HACD2: variants seen among roughly 807,000 people sequenced by gnomAD.
HACD2 encodes the protein very-long-chain (3R)-3-hydroxyacyl-CoA dehydratase 2.
Under a neutral mutation model 31.0 loss-of-function variants are expected in HACD2, and 15 were observed. The ratio of observed to expected loss-of-function variants is 0.48; its 90% CI spans 0.32 to 0.75. The LOEUF is 0.75. Ranked by LOEUF, HACD2 falls within the 30% of genes least tolerant of loss-of-function variation. The probability of loss-of-function intolerance (pLI) is 0.03; values close to 1 mark genes in which losing one functional copy is unlikely to be tolerated. For synonymous variants in HACD2, 115 were observed against 122.2 expected (o/e 0.94, Z 0.39); for missense variants, 283 against 313.0 (o/e 0.90, Z 0.72).
At chr3:123,502,833 G>GC (rs1354918929) in intron 4 of HACD2, 152 bp from the exon 5 acceptor site, 2 of 716,108 alleles carry the variant, frequency 2.8e-6, no homozygotes, top group Admixed American at 5.8e-5. Flanking sequence ...TGCGTGTAGA[G>GC]CTGGGGCCTA....
At chr3:123,581,994 T>C (rs181739831) in intron 2 of HACD2, among the ~76,000 whole-genome samples, 62 of 152,286 alleles carry the variant, frequency 4.1e-4, no homozygotes, top group Admixed American at 2.7e-3. Context: ...CCCAAAAAAG[T>C]CGAATATAAA....
Position 123,492,273 on chromosome 3 carries a change from A to T in HACD2, c.*2615T>A, listed in dbSNP as rs1330709899. The T allele has an allele frequency of 1.3e-5, 2 of 152,212 alleles. No individual in the cohort carries two copies. Among genetic ancestry groups the T allele is most frequent in the African/African-American group, 2.4e-5 (1 of 41,448 alleles). The allele number at this position is 152,212 out of a possible 1,614,324, so 9.4% of individuals were successfully genotyped here. A position where few individuals can be genotyped will look rare whatever the true frequency, so the allele number is the denominator to read the frequency against. On this transcript the variant is annotated 3_prime_UTR_variant, in exon 7 of 7. Transcript: ENST00000383657. ...CCCCACGGAGGGATCTGAAATACAT[A>T]ATCAAGTGGGTAGTTGGGAGGATGA...
intron 3 of HACD2, among the ~76,000 whole-genome samples, chr3:123,567,069 A>G (rs1164047664): frequency 6.6e-6 from 1 of 152,176 alleles, no homozygotes; most frequent in East Asian, 1.9e-4. Context: ...ATCAACTTCA[A>G]ATCCTCCCTT....
rs1017328901 is a variant in HACD2 at position 123,584,988 on chromosome 3, C to G, written c.40G>C (p.Gly14Arg). 6 of 1,524,952 alleles carry G rather than the reference C, an allele frequency of 3.9e-6. No homozygotes were observed. Among genetic ancestry groups the G allele is most frequent in the Non-Finnish European group, 4.4e-6 (5 of 1,137,272 alleles). 94.5% of individuals were successfully genotyped at this position (1,524,952 alleles called of 1,614,324 possible). Residue 14 changes from glycine (G) to arginine (R), a missense_variant, in exon 1 of 7, where the codon GGG (glycine) becomes CGG (arginine). Gly to Arg is a moderately radical substitution (Grantham distance 125). Transcript: ENST00000383657. The part of the protein sequence containing the change: ...VAATAAAKGN[G>R]GGGGRAGAGD... ...GCCCCGGCCCTGCCACCGCCGCCCC[C>G]ATTCCCCTTCGCTGCTGCAGTCGCC...
At chr3:123,515,961 T>G (rs1205766898) in intron 4 of HACD2, among the ~76,000 whole-genome samples, 1 of 152,156 alleles carries the variant, frequency 6.6e-6, no homozygotes, top group Non-Finnish European at 1.5e-5. Flanking sequence ...GGTTTCACCA[T>G]GTTGCCCAGG....
At chr3:123,558,679 C>G (rs182019192) in intron 3 of HACD2, among the ~76,000 whole-genome samples, 1 of 152,176 alleles carries the variant, frequency 6.6e-6, no homozygotes, top group Non-Finnish European at 1.5e-5. Context: ...TGACATATCA[C>G]GGTCATACAA....
intron 4 of HACD2, among the ~76,000 whole-genome samples, chr3:123,506,694 C>T (rs1418123240): frequency 1.3e-5 from 2 of 152,094 alleles, no homozygotes; most frequent in South Asian, 4.2e-4. Flanking sequence ...CTCGGCCTCC[C>T]AAAATGCTGG....
At chr3:123,580,733 C>T (rs13091529) in intron 2 of HACD2, among the ~76,000 whole-genome samples, 37,348 of 149,338 alleles carry the variant, frequency 0.25, 6,258 homozygotes, top group East Asian at 0.59. Flanking sequence ...CAGTGAGCCA[C>T]GGCCATGATG....
chr3:123,584,488 G>T (rs896549475), intron 1 of HACD2: 5 of 180,990 alleles, frequency 2.8e-5, no homozygotes, highest in Admixed American at 2.5e-4. Flanking sequence ...CACTCCCCAT[G>T]CTGGCGCCGT....
intron 3 of HACD2, among the ~76,000 whole-genome samples, chr3:123,565,078 C>T (rs1242848067): frequency 4.6e-5 from 7 of 152,114 alleles, no homozygotes; most frequent in Non-Finnish European, 4.4e-5. Flanking sequence ...GCCCATTCAC[C>T]TCTCTACTCC....
intron 6 of HACD2, chr3:123,499,719 A>G (rs2055879999): frequency 2.2e-6 from 1 of 450,532 alleles, no homozygotes; most frequent in African/African-American, 2.0e-5. Context: ...GAAATAGCAA[A>G]ATGAGAAGAA....
chr3:123,531,112 C>T (rs1381412530), intron 3 of HACD2, among the ~76,000 whole-genome samples: 4 of 149,886 alleles, frequency 2.7e-5, no homozygotes, highest in South Asian at 4.3e-4. Flanking sequence ...GTGATCTGCC[C>T]GCCTCAGCCT....
chr3:123,563,867 CAGTA>C (rs1370908664), intron 3 of HACD2, among the ~76,000 whole-genome samples: 4 of 152,122 alleles, frequency 2.6e-5, no homozygotes, highest in Non-Finnish European at 5.9e-5. Flanking sequence ...CACTGGAATA[CAGTA>C]AGTATTTAAG....
intron 1 of HACD2, 109 bp downstream of exon 1, chr3:123,584,764 G>A (rs2057008864): frequency 2.3e-6 from 2 of 883,276 alleles, no homozygotes; most frequent in South Asian, 2.5e-5. Context: ...CCCCCGCCGG[G>A]AATGCACTGC....
At chr3:123,583,070 A>G (rs1312164934) in intron 1 of HACD2, among the ~76,000 whole-genome samples, 2 of 152,236 alleles carry the variant, frequency 1.3e-5, no homozygotes, top group Non-Finnish European at 2.9e-5. Context: ...AGATAAATGT[A>G]TAGTATCAAC....
chr3:123,582,422 T>G, intron 1 of HACD2, 93 bp from the exon 2 acceptor site: 2 of 764,192 alleles, frequency 2.6e-6, no homozygotes, highest in Non-Finnish European at 4.0e-6. Flanking sequence ...AAGATATTGC[T>G]AAAGGTGACC....
Position 123,543,425 on chromosome 3 carries a change from T to TA in HACD2, c.293-14952dup, listed in dbSNP as rs1017657630. 4.0e-5 allele frequency among the ~76,000 whole-genome samples: 6 copies of TA among 151,422 alleles called. No homozygotes were observed. The South Asian group carries it at 6.3e-4, about 16-fold the overall frequency. On this transcript the variant is annotated intron_variant, in intron 3 of 6. Coordinates refer to ENST00000383657, the MANE Select transcript of HACD2 (RefSeq NM_198402.5). ...CGTAAATCAAGGGAAAGAATCAAAG[T>TA]AAAAAAAACAAAGAATATTGTTATA...
At chr3:123,541,351 G>A (rs1305427406) in intron 3 of HACD2, among the ~76,000 whole-genome samples, 1 of 152,128 alleles carries the variant, frequency 6.6e-6, no homozygotes, top group Non-Finnish European at 1.5e-5. Flanking sequence ...GAGAGAATAA[G>A]TCATTTTCTC....
intron 4 of HACD2, among the ~76,000 whole-genome samples, chr3:123,508,163 T>A (rs899820840): frequency 6.6e-5 from 10 of 152,138 alleles, no homozygotes. Context: ...TTGCCAAAAA[T>A]GTCATAAAGC....
Sources: allele counts gnomAD v4.1 joint callset (sites outside exome capture counted in the v4.1 genomes callset), GRCh38; gene constraint gnomAD v4.1.1; transcripts MANE v1.5; gene names NCBI Gene and HGNC (gene_info 2026-07-23, HGNC 2026-07-21).